The following ADGRL3 variants were observed in gnomAD, a reference collection of about 807,000 sequenced individuals.
ADGRL3 encodes the protein calcium-independent alpha-latrotoxin receptor 3.
ADGRL3 carries 62 observed loss-of-function variants against 153.5 expected under a neutral mutation model. The ratio of observed to expected loss-of-function variants is 0.40; its 90% CI spans 0.33 to 0.50. The LOEUF is 0.50. ADGRL3 is among the 20% of genes least tolerant of loss of function. ADGRL3 has a pLI of 0.47. For synonymous variants in ADGRL3, 710 were observed against 672.5 expected, an observed-to-expected ratio of 1.06 and a Z score of -0.86; for missense variants, 1,641 against 1,859.4, an observed-to-expected ratio of 0.88 and a Z score of 2.16.
intron 8 of ADGRL3, among the ~76,000 whole-genome samples, chr4:61,780,594 A>T (rs1245227364): frequency 6.6e-6 from 1 of 152,214 alleles, no homozygotes; most frequent in African/African-American, 2.4e-5. Flanking sequence ...GTATGTTTGT[A>T]ATTTTCTCAG....
intron 8 of ADGRL3, among the ~76,000 whole-genome samples, chr4:61,792,785 G>C (rs908987256): frequency 1.3e-5 from 2 of 151,982 alleles, no homozygotes; most frequent in Non-Finnish European, 2.9e-5. Flanking sequence ...ACAGTGCCTG[G>C]CCACTTTCCC....
At chr4:61,557,619 G>C (rs1259539817) in intron 4 of ADGRL3, among the ~76,000 whole-genome samples, 1 of 152,150 alleles carries the variant, frequency 6.6e-6, no homozygotes, top group African/African-American at 2.4e-5. Context: ...TTGTACAGCA[G>C]GCTGACTGCC....
At chr4:61,391,157 T>C (rs749022049) in intron 2 of ADGRL3, among the ~76,000 whole-genome samples, 1 of 152,202 alleles carries the variant, frequency 6.6e-6, no homozygotes, top group African/African-American at 2.4e-5. Flanking sequence ...AAAGGGTTTA[T>C]TGTGGCTCAT....
intron 1 of ADGRL3, among the ~76,000 whole-genome samples, chr4:61,290,167 G>A (rs915912552): frequency 4.6e-5 from 7 of 152,040 alleles, no homozygotes; most frequent in Middle Eastern, 3.4e-3. Flanking sequence ...AATTGTATCT[G>A]GATCATTGAA....
chr4:61,301,739 G>A (rs979143960), intron 1 of ADGRL3, among the ~76,000 whole-genome samples: 1 of 152,074 alleles, frequency 6.6e-6, no homozygotes, highest in African/African-American at 2.4e-5. Context: ...GATTTTTCTG[G>A]AATATTGGGA....
chr4:62,050,217 A>G (rs1010888473), intron 25 of ADGRL3, among the ~76,000 whole-genome samples: 1 of 152,110 alleles, frequency 6.6e-6, no homozygotes, highest in Non-Finnish European at 1.5e-5. Flanking sequence ...TTAAATGCAC[A>G]TTGCATCTGC....
chr4:61,867,541 A>ATATATATATATATATATATATATAT (rs1490365312), intron 9 of ADGRL3, among the ~76,000 whole-genome samples: 28 of 50,244 alleles, frequency 5.6e-4, no homozygotes, highest in Non-Finnish European at 1.0e-3. Context: ...TATATATATA[A>ATATATATATATATATATATATATAT]TTGTAGGAGA....
At chr4:61,658,931 T>A (rs2150532279) in intron 5 of ADGRL3, among the ~76,000 whole-genome samples, 1 of 152,278 alleles carries the variant, frequency 6.6e-6, no homozygotes, top group Middle Eastern at 3.4e-3. Context: ...AACATAAATT[T>A]GCTTTGACAG....
intron 21 of ADGRL3, among the ~76,000 whole-genome samples, chr4:62,027,440 A>C (rs1490004026): frequency 8.3e-4 from 126 of 152,008 alleles, no homozygotes; most frequent in Non-Finnish European, 1.5e-4. Context: ...TGAGGAACTG[A>C]ATTTTAAACT....
At chr4:61,945,082 CTT>C (rs1409842144) in intron 15 of ADGRL3, among the ~76,000 whole-genome samples, 2 of 9,888 alleles carry the variant, frequency 2.0e-4, no homozygotes, top group Non-Finnish European at 1.4e-4. Context: ...TACTTTTGGT[CTT>C]TGATGATGGT....
At chr4:61,615,956 G>C (rs1400643934) in intron 5 of ADGRL3, among the ~76,000 whole-genome samples, 1 of 152,094 alleles carries the variant, frequency 6.6e-6, no homozygotes, top group Non-Finnish European at 1.5e-5. Flanking sequence ...GAGTAGGGAA[G>C]TTTGCCTCTC....
chr4:61,489,961 A>G (rs903233696), intron 2 of ADGRL3, among the ~76,000 whole-genome samples: 83 of 152,086 alleles, frequency 5.5e-4, no homozygotes, highest in African/African-American at 1.9e-3. Context: ...AATCAAAATG[A>G]ATTTATATTC....
intron 1 of ADGRL3, among the ~76,000 whole-genome samples, chr4:61,329,147 C>A (rs1037499436): frequency 2.6e-5 from 4 of 152,010 alleles, no homozygotes; most frequent in African/African-American, 9.7e-5. Flanking sequence ...TGAAAGGATG[C>A]GTATTTAAAA....
rs1746295757 is a variant in ADGRL3, at chr4:62,073,541, TA to T, written c.*2635del. 2 of 152,126 alleles carry T rather than the reference TA, an allele frequency of 1.3e-5. No homozygotes were observed. The highest frequency in any genetic ancestry group is 4.1e-4 in the South Asian group (2 of 4,834). 9.4% of individuals were successfully genotyped at this position (152,126 alleles called of 1,614,324 possible). ...CACTTATGCTTGTTTTGTCAAACAG[TA>T]ACCTACATGAAAGCAACTCTATCAG... On this transcript the variant is annotated 3_prime_UTR_variant, in exon 27 of 27. Transcript: ENST00000683033.
intron 9 of ADGRL3, among the ~76,000 whole-genome samples, chr4:61,892,428 G>A (rs1402319917): frequency 1.3e-5 from 2 of 152,076 alleles, no homozygotes; most frequent in African/African-American, 4.8e-5. Context: ...CCCTTAAAAA[G>A]CTTGTGTTTG....
At chr4:61,921,114 T>C (rs1031608931) in intron 13 of ADGRL3, among the ~76,000 whole-genome samples, 1 of 152,074 alleles carries the variant, frequency 6.6e-6, no homozygotes, top group African/African-American at 2.4e-5. Context: ...CTGTTAGTCA[T>C]AGTTTGAGAT....
intron 2 of ADGRL3, chr4:61,427,557 A>G (rs2097297676): frequency 6.5e-6 from 1 of 153,194 alleles, no homozygotes; most frequent in African/African-American, 2.4e-5. Flanking sequence ...TAGGCACTGT[A>G]TGACATGTGC....
At chr4:61,951,726 G>C (rs181556033) in intron 17 of ADGRL3, among the ~76,000 whole-genome samples, 1 of 152,078 alleles carries the variant, frequency 6.6e-6, no homozygotes, top group Non-Finnish European at 1.5e-5. Flanking sequence ...TTAGCTGGGC[G>C]TGATGGTGCA....
intron 2 of ADGRL3, among the ~76,000 whole-genome samples, chr4:61,421,459 A>G (rs1483297426): frequency 4.1e-4 from 62 of 152,232 alleles, no homozygotes; most frequent in Non-Finnish European, 5.9e-5. Context: ...AGTGTCAACA[A>G]CAAGAATAAT....
Sources: allele counts gnomAD v4.1 joint callset (sites outside exome capture counted in the v4.1 genomes callset), GRCh38; gene constraint gnomAD v4.1.1; transcripts MANE v1.5; gene names NCBI Gene and HGNC (gene_info 2026-07-23, HGNC 2026-07-21).